ERC2: variants seen among roughly 807,000 people sequenced by gnomAD.
The protein encoded by ERC2 is ERC protein 2.
A neutral mutation model predicts 114.8 loss-of-function variants in ERC2; 42 were observed. The ratio of observed to expected loss-of-function variants is 0.37; its 90% CI spans 0.29 to 0.47. The LOEUF (loss-of-function observed/expected upper bound fraction) is 0.47. Ranked by LOEUF, ERC2 falls within the 20% of genes least tolerant of loss-of-function variation. The pLI is 0.99. For missense variants in ERC2, 939 were observed against 1,150.7 expected (o/e 0.82, Z 2.66); for synonymous variants, 454 against 425.5 (o/e 1.07, Z -0.82).
chr3:55,962,085 T>G (rs531650555), intron 12 of ERC2, among the ~76,000 whole-genome samples: 1 of 152,226 alleles, frequency 6.6e-6, no homozygotes, highest in East Asian at 1.9e-4. Flanking sequence ...TTATCATTCC[T>G]AGAAAGCTAA....
intron 13 of ERC2, among the ~76,000 whole-genome samples, chr3:55,943,094 G>A (rs1443175404): frequency 1.3e-5 from 2 of 152,178 alleles, no homozygotes; most frequent in Admixed American, 6.5e-5. Flanking sequence ...GTAAACCTGA[G>A]GTAATTATCC....
intron 2 of ERC2, among the ~76,000 whole-genome samples, chr3:56,361,202 G>T (rs988605533): frequency 2.0e-5 from 3 of 152,082 alleles, no homozygotes; most frequent in African/African-American, 7.2e-5. Flanking sequence ...GGCAGCTGCT[G>T]CACCAGGACG....
At chr3:56,094,728 A>G (rs140063598) in intron 6 of ERC2, among the ~76,000 whole-genome samples, 3,052 of 152,306 alleles carry the variant, frequency 0.02, 49 homozygotes, top group Non-Finnish European at 0.03. Flanking sequence ...AGATCAGTCC[A>G]TGAACAATAA....
intron 17 of ERC2, among the ~76,000 whole-genome samples, chr3:55,612,312 G>A (rs2058939817): frequency 6.6e-6 from 1 of 152,206 alleles, no homozygotes; most frequent in African/African-American, 2.4e-5. Context: ...TGTCCTTTCA[G>A]CATGAACTGA....
At chr3:55,614,650 A>G (rs540700414) in intron 17 of ERC2, among the ~76,000 whole-genome samples, 1 of 152,294 alleles carries the variant, frequency 6.6e-6, no homozygotes, top group Admixed American at 6.5e-5. Flanking sequence ...ATACTAGTAG[A>G]CCACGTGGAT....
chr3:55,811,084 C>T (rs549968620), intron 14 of ERC2, among the ~76,000 whole-genome samples: 12 of 152,310 alleles, frequency 7.9e-5, no homozygotes, highest in African/African-American at 2.9e-4. Flanking sequence ...CTATCTGATA[C>T]AGGAGCCACT....
At chr3:56,418,969 T>C (rs2061280293) in intron 2 of ERC2, among the ~76,000 whole-genome samples, 1 of 152,212 alleles carries the variant, frequency 6.6e-6, no homozygotes, top group Non-Finnish European at 1.5e-5. Flanking sequence ...CTTTCTTCCC[T>C]AGACCAAACT....
chr3:56,349,832 G>C (rs1214121411), intron 2 of ERC2, among the ~76,000 whole-genome samples: 1 of 151,434 alleles, frequency 6.6e-6, no homozygotes, highest in East Asian at 1.9e-4. Context: ...AGAATCGCTT[G>C]AACCCAGGAG....
chr3:55,699,290 G>A (rs1188310044), intron 16 of ERC2, 88 bp downstream of exon 16: 3 of 1,517,340 alleles, frequency 2.0e-6, no homozygotes, highest in Non-Finnish European at 2.7e-6. Context: ...ACTTTATGAT[G>A]TTTATTATTT....
At chr3:56,362,561 C>T (rs1382179515) in intron 2 of ERC2, among the ~76,000 whole-genome samples, 2 of 152,184 alleles carry the variant, frequency 1.3e-5, no homozygotes, top group Admixed American at 6.5e-5. Flanking sequence ...TGGAATACTC[C>T]GAATTATTGA....
intron 14 of ERC2, among the ~76,000 whole-genome samples, chr3:55,826,463 G>A (rs1215258862): frequency 6.6e-6 from 1 of 152,186 alleles, no homozygotes; most frequent in Non-Finnish European, 1.5e-5. Context: ...CCCTAAGCCT[G>A]AATTGCCCAT....
chr3:56,257,639 T>G (rs562034657), intron 3 of ERC2, among the ~76,000 whole-genome samples: 201 of 152,382 alleles, frequency 1.3e-3, no homozygotes, highest in Non-Finnish European at 2.3e-3. Context: ...TATAGAGGAT[T>G]TGGCACATTT....
intron 4 of ERC2, among the ~76,000 whole-genome samples, chr3:56,155,089 CT>C (rs921453398): frequency 6.6e-6 from 1 of 152,186 alleles, no homozygotes; most frequent in African/African-American, 2.4e-5. Flanking sequence ...TAGCGTCCCT[CT>C]TGTTTCCAGC....
chr3:56,352,694 A>C (rs1364792524), intron 2 of ERC2, among the ~76,000 whole-genome samples: 1 of 152,192 alleles, frequency 6.6e-6, no homozygotes, highest in Non-Finnish European at 1.5e-5. Flanking sequence ...GCAAGGGTGT[A>C]ATCAAGGTGT....
At chr3:55,985,858 G>T in intron 12 of ERC2, 119 bp downstream of exon 12, 1 of 850,370 alleles carries the variant, frequency 1.2e-6, no homozygotes, top group Non-Finnish European at 1.9e-6. Context: ...TGAAATGAGC[G>T]GGGGGAAATG....
At chr3:55,675,104 T>A (rs2061726651) in intron 17 of ERC2, among the ~76,000 whole-genome samples, 1 of 152,174 alleles carries the variant, frequency 6.6e-6, no homozygotes, top group Non-Finnish European at 1.5e-5. Context: ...CACTCAAGAT[T>A]GAACACACGA....
intron 4 of ERC2, among the ~76,000 whole-genome samples, chr3:56,164,307 T>C (rs2082209711): frequency 6.6e-6 from 1 of 152,004 alleles, no homozygotes; most frequent in Non-Finnish European, 1.5e-5. Context: ...CTGTCCCTAA[T>C]TTGCCTACAC....
At chr3:55,774,660 C>T (rs1440564217) in intron 14 of ERC2, among the ~76,000 whole-genome samples, 11 of 152,220 alleles carry the variant, frequency 7.2e-5, no homozygotes, top group Admixed American at 5.9e-4. Context: ...GGAGAACCCA[C>T]CAGATTACCC....
intron 2 of ERC2, among the ~76,000 whole-genome samples, chr3:56,342,672 T>A (rs2058134424): frequency 6.6e-6 from 1 of 152,202 alleles, no homozygotes; most frequent in African/African-American, 2.4e-5. Context: ...GTCACATGAT[T>A]CTGCCAGGTG....
Sources: gnomAD v4.1 joint callset for allele counts (sites outside exome capture counted in the v4.1 genomes callset) on GRCh38, gnomAD v4.1.1 for gene constraint, MANE v1.5 for transcripts, NCBI Gene and HGNC (gene_info 2026-07-23, HGNC 2026-07-21) for gene names.